The following DLG2 variants were observed in gnomAD, a reference collection of about 807,000 sequenced individuals.
The protein encoded by DLG2 is disks large homolog 2.
A neutral mutation model predicts 132.5 loss-of-function variants in DLG2; 45 were observed. The observed-to-expected ratio is 0.34, with a 90% CI of 0.27 to 0.44. The LOEUF is 0.44. DLG2 is among the 20% of genes least tolerant of loss of function. DLG2 has a pLI of 1.00. For missense variants in DLG2, 1,045 were observed against 1,196.9 expected (o/e 0.87, Z 1.87); for synonymous variants, 424 against 419.6 (o/e 1.01, Z -0.13).
chr11:84,559,012 C>T (rs887568372), intron 6 of DLG2, among the ~76,000 whole-genome samples: 1 of 152,104 alleles, frequency 6.6e-6, no homozygotes, highest in African/African-American at 2.4e-5. Context: ...AAGCTTGTTA[C>T]CAACAGAGAG....
At chr11:84,167,009 G>T (rs769586556) in intron 8 of DLG2, 1 of 533,190 alleles carries the variant, frequency 1.9e-6, no homozygotes, top group Non-Finnish European at 3.8e-6. Flanking sequence ...CTTCACAGTT[G>T]GGGTTTCTGT....
At chr11:85,592,034 A>G (rs547478794) in intron 3 of DLG2, among the ~76,000 whole-genome samples, 1 of 152,338 alleles carries the variant, frequency 6.6e-6, no homozygotes, top group African/African-American at 2.4e-5. Context: ...CTCTAGCAAC[A>G]ACAATGTACA....
chr11:83,465,638 T>G (rs2090884410), intron 26 of DLG2, among the ~76,000 whole-genome samples: 2 of 152,206 alleles, frequency 1.3e-5, no homozygotes, highest in African/African-American at 4.8e-5. Flanking sequence ...TGAAGTAATT[T>G]TATATCTTTT....
At chr11:84,972,396 C>T (rs1214416753) in intron 6 of DLG2, among the ~76,000 whole-genome samples, 1 of 152,208 alleles carries the variant, frequency 6.6e-6, no homozygotes, top group East Asian at 1.9e-4. Flanking sequence ...AACAGCAATA[C>T]ATGCTGATGT....
At chr11:85,397,421 C>CAAA (rs1304525474) in intron 3 of DLG2, among the ~76,000 whole-genome samples, 2 of 152,154 alleles carry the variant, frequency 1.3e-5, no homozygotes, top group Non-Finnish European at 2.9e-5. Context: ...CAAGTTCAAA[C>CAAA]ATAATAATAT....
At chr11:84,425,703 T>C (rs2098964200) in intron 7 of DLG2, among the ~76,000 whole-genome samples, 1 of 151,928 alleles carries the variant, frequency 6.6e-6, no homozygotes, top group South Asian at 2.1e-4. Flanking sequence ...TCTGAGAACA[T>C]TAAAAACAGT....
rs141763053 is a variant in DLG2, at chr11:85,494,968, T to G, written c.40+103689A>C. ...AAACAAACAACAAAGGCCTCATTCA[T>G]GGATTTTATAACAAAGTCCCACACA... On this transcript the variant is annotated intron_variant, in intron 3 of 27. Coordinates refer to ENST00000376104, the MANE Select transcript of DLG2 (RefSeq NM_001142699.3). 7.2e-5 allele frequency among the ~76,000 whole-genome samples: 11 copies of G among 152,190 alleles called. No individual in the cohort carries two copies. The East Asian group carries it at 1.9e-3, about 27-fold the overall frequency.
At chr11:84,786,877 T>C (rs1273247486) in intron 6 of DLG2, among the ~76,000 whole-genome samples, 2 of 152,192 alleles carry the variant, frequency 1.3e-5, no homozygotes, top group Non-Finnish European at 2.9e-5. Context: ...TAGACCTTCC[T>C]TTAATTAGGG....
chr11:83,791,208 C>A lies in DLG2; in HGVS notation c.1723-4416G>T. On this transcript the variant is annotated intron_variant, in intron 17 of 27. Coordinates refer to ENST00000376104, the MANE Select transcript of DLG2 (RefSeq NM_001142699.3). ...TGGCTGCGGAGGGAGGTGGCCTTAT[C>A]GGCCTCTGAGCTCTCACGGCTTTAA... 4.7e-6 allele frequency: 3 copies of A among 639,320 alleles called. No homozygotes were observed. The South Asian group carries it at 5.7e-5, about 12-fold the overall frequency. The allele number at this position is 639,320 out of a possible 1,614,324, so 39.6% of individuals were successfully genotyped here.
intron 14 of DLG2, among the ~76,000 whole-genome samples, chr11:83,931,542 G>A (rs117742641): frequency 0.019 from 2,943 of 152,080 alleles, 66 homozygotes; most frequent in East Asian, 0.072. Context: ...AATCAAAGCT[G>A]GCTAATGGAG....
chr11:84,168,175 G>A (rs1159140932), intron 8 of DLG2, among the ~76,000 whole-genome samples: 1 of 152,074 alleles, frequency 6.6e-6, no homozygotes, highest in Non-Finnish European at 1.5e-5. Context: ...CCTTTAAAGA[G>A]GCACCGAAAC....
At chr11:85,238,627 C>T (rs752453477) in intron 4 of DLG2, among the ~76,000 whole-genome samples, 2 of 152,158 alleles carry the variant, frequency 1.3e-5, no homozygotes, top group Non-Finnish European at 1.5e-5. Context: ...GCTTTAGATG[C>T]TTCTTCTTCC....
chr11:83,489,331 AG>A (rs1250324964), intron 21 of DLG2, among the ~76,000 whole-genome samples: 1 of 152,008 alleles, frequency 6.6e-6, no homozygotes, highest in African/African-American at 2.4e-5. Flanking sequence ...AAGCTCTACA[AG>A]ACAAACTATC....
chr11:85,499,955 T>A (rs973488839), intron 3 of DLG2, among the ~76,000 whole-genome samples: 2 of 152,152 alleles, frequency 1.3e-5, no homozygotes, highest in Admixed American at 6.5e-5. Context: ...CTCAATATAA[T>A]AAGAGCTATT....
chr11:85,502,498 C>A (rs2093827919), intron 3 of DLG2, among the ~76,000 whole-genome samples: 1 of 151,974 alleles, frequency 6.6e-6, no homozygotes. Context: ...ATGTCCTTTG[C>A]AGGGACATGG....
chr11:83,712,995 TA>T (rs67244530), intron 18 of DLG2, among the ~76,000 whole-genome samples: 5,938 of 151,282 alleles, frequency 0.039, 173 homozygotes, highest in Middle Eastern at 0.092. Context: ...AGAAAGAAAA[TA>T]AAAAAAAATT....
At chr11:84,039,905 T>G (rs1212064155) in intron 11 of DLG2, among the ~76,000 whole-genome samples, 16 of 146,538 alleles carry the variant, frequency 1.1e-4, no homozygotes, top group Admixed American at 9.7e-4. Flanking sequence ...TTTTAATGAT[T>G]GCCATTCTAA....
chr11:85,560,226 T>A (rs1297712599), intron 3 of DLG2, among the ~76,000 whole-genome samples: 1 of 151,796 alleles, frequency 6.6e-6, no homozygotes, highest in Non-Finnish European at 1.5e-5. Flanking sequence ...AAATTTCCCA[T>A]CTAGGAATCT....
chr11:83,508,847 A>G (rs1232717479), intron 21 of DLG2, among the ~76,000 whole-genome samples: 1 of 152,180 alleles, frequency 6.6e-6, no homozygotes, highest in Non-Finnish European at 1.5e-5. Flanking sequence ...ACCAAACTTC[A>G]CTACTGTTTT....
Sources: allele counts gnomAD v4.1 joint callset (sites outside exome capture counted in the v4.1 genomes callset), GRCh38; gene constraint gnomAD v4.1.1; transcripts MANE v1.5; gene names NCBI Gene and HGNC (gene_info 2026-07-23, HGNC 2026-07-21).